Variants in MACROD2 observed in about 807,000 individuals in gnomAD.
MACROD2 encodes ADP-ribose glycohydrolase MACROD2.
In MACROD2, 36 loss-of-function variants were observed where a neutral mutation model predicts 70.4. The observed-to-expected ratio is 0.51, with a 90% confidence interval of 0.39 to 0.68. MACROD2 has a LOEUF of 0.68. MACROD2 is among the 30% of genes least tolerant of loss of function. The pLI, the probability that MACROD2 is intolerant of heterozygous loss-of-function variation, is 0.00. For missense variants in MACROD2, 496 were observed against 538.4 expected, an observed-to-expected ratio of 0.92 and a Z score of 0.78; for synonymous variants, 172 against 178.8, an observed-to-expected ratio of 0.96 and a Z score of 0.30.
At chr20:15,234,079 G>T (rs2076991056) in intron 6 of MACROD2, among the ~76,000 whole-genome samples, 1 of 108,586 alleles carries the variant, frequency 9.2e-6, no homozygotes, top group Admixed American at 1.1e-4. Flanking sequence ...TGGCCCAGGT[G>T]GGAGTGCAGT....
At chr20:15,531,128 A>G (rs2047794195) in intron 8 of MACROD2, among the ~76,000 whole-genome samples, 1 of 151,820 alleles carries the variant, frequency 6.6e-6, no homozygotes, top group South Asian at 2.1e-4. Context: ...AAGAGATGTT[A>G]AAATGAAATC....
chr20:15,320,080 T>C (rs2077857556), intron 6 of MACROD2, among the ~76,000 whole-genome samples: 1 of 152,246 alleles, frequency 6.6e-6, no homozygotes, highest in Non-Finnish European at 1.5e-5. Flanking sequence ...GACTCATGCC[T>C]GTAATCCCAG....
intron 3 of MACROD2, among the ~76,000 whole-genome samples, chr20:14,225,656 T>G (rs1250867521): frequency 6.6e-6 from 1 of 152,236 alleles, no homozygotes; most frequent in African/African-American, 2.4e-5. Flanking sequence ...AGAAACTTCT[T>G]GATTTCAGTA....
At chr20:15,239,329 G>A (rs532288439) in intron 6 of MACROD2, among the ~76,000 whole-genome samples, 1 of 151,948 alleles carries the variant, frequency 6.6e-6, no homozygotes, top group South Asian at 2.1e-4. Context: ...TGGAAAGAAA[G>A]CTTTCTTGAC....
chr20:15,237,620 A>G (rs2077025351), intron 6 of MACROD2, among the ~76,000 whole-genome samples: 2 of 152,082 alleles, frequency 1.3e-5, no homozygotes, highest in South Asian at 2.1e-4. Context: ...GACAGGGAAC[A>G]GCGCAGAGGA....
At chr20:14,447,318 G>A (rs1049807305) in intron 3 of MACROD2, among the ~76,000 whole-genome samples, 16 of 151,930 alleles carry the variant, frequency 1.1e-4, no homozygotes, top group Non-Finnish European at 1.8e-4. Flanking sequence ...GCGCCCAGCC[G>A]ATGCAGATTT....
At chr20:15,627,050 G>T (rs190048285) in intron 8 of MACROD2, among the ~76,000 whole-genome samples, 1 of 152,140 alleles carries the variant, frequency 6.6e-6, no homozygotes, top group South Asian at 2.1e-4. Flanking sequence ...GATAGACTGA[G>T]ATTTGAAATG....
At chr20:14,073,224 T>A (rs1237335621) in intron 2 of MACROD2, among the ~76,000 whole-genome samples, 1 of 151,822 alleles carries the variant, frequency 6.6e-6, no homozygotes, top group Non-Finnish European at 1.5e-5. Context: ...TAATCCCAGC[T>A]ACTTGGGAGG....
At chr20:15,249,718 C>T (rs920414949) in intron 6 of MACROD2, among the ~76,000 whole-genome samples, 4 of 152,180 alleles carry the variant, frequency 2.6e-5, no homozygotes, top group Non-Finnish European at 4.4e-5. Flanking sequence ...CTTGATGCTA[C>T]GTTATTTCCA....
chr20:14,688,237 C>T (rs976171608), intron 5 of MACROD2, among the ~76,000 whole-genome samples: 1 of 152,180 alleles, frequency 6.6e-6, no homozygotes, highest in African/African-American at 2.4e-5. Flanking sequence ...CATCCAGCCA[C>T]AAGTGATAAT....
chr20:14,513,483 G>A (rs138363796), intron 4 of MACROD2, among the ~76,000 whole-genome samples: 142 of 152,032 alleles, frequency 9.3e-4, no homozygotes, highest in Middle Eastern at 3.4e-3. Flanking sequence ...GTTAGCCAAG[G>A]GAAATATAAT....
At chr20:15,273,198 C>A (rs577650216) in intron 6 of MACROD2, among the ~76,000 whole-genome samples, 1 of 152,104 alleles carries the variant, frequency 6.6e-6, no homozygotes, top group Admixed American at 6.5e-5. Context: ...ATCTAATCAG[C>A]TGCCAACGAA....
intron 2 of MACROD2, among the ~76,000 whole-genome samples, chr20:14,006,245 A>G (rs1476595522): frequency 1.3e-5 from 2 of 152,124 alleles, no homozygotes; most frequent in Non-Finnish European, 2.9e-5. Flanking sequence ...CAATGAAATC[A>G]CCTAACAACG....
chr20:14,036,430 A>G (rs2053311154), intron 2 of MACROD2, among the ~76,000 whole-genome samples: 1 of 152,202 alleles, frequency 6.6e-6, no homozygotes, highest in Non-Finnish European at 1.5e-5. Context: ...CTGCACTGTT[A>G]ACAAGCACCT....
intron 8 of MACROD2, among the ~76,000 whole-genome samples, chr20:15,576,095 T>C (rs2048443707): frequency 6.6e-6 from 1 of 152,092 alleles, no homozygotes; most frequent in African/African-American, 2.4e-5. Context: ...ACCTTTCAAT[T>C]GTTTCCTATT....
At chr20:15,473,479 T>A (rs1011183061) in intron 7 of MACROD2, among the ~76,000 whole-genome samples, 12 of 152,112 alleles carry the variant, frequency 7.9e-5, no homozygotes, top group Non-Finnish European at 1.3e-4. Context: ...TCTGACCCAT[T>A]TATCATCTAT....
chr20:14,140,035 C>T (rs6042546), intron 3 of MACROD2, among the ~76,000 whole-genome samples: 151,391 of 152,358 alleles, frequency 0.99, 75,224 homozygotes, highest in East Asian at 1. Context: ...TATGCAAATA[C>T]GCCAAAAATC....
chr20:16,020,954 T>C (rs2066993368), intron 15 of MACROD2, among the ~76,000 whole-genome samples: 1 of 152,196 alleles, frequency 6.6e-6, no homozygotes, highest in Non-Finnish European at 1.5e-5. Flanking sequence ...TCAAATTACA[T>C]TGTTTAGAAA....
intron 8 of MACROD2, among the ~76,000 whole-genome samples, chr20:15,644,890 A>G (rs1470652207): frequency 6.6e-6 from 1 of 152,030 alleles, no homozygotes; most frequent in Non-Finnish European, 1.5e-5. Context: ...GAGTTTCACC[A>G]TGTTGGTGAG....
Sources: gnomAD v4.1 joint callset for allele counts (sites outside exome capture counted in the v4.1 genomes callset) on GRCh38, gnomAD v4.1.1 for gene constraint, MANE v1.5 for transcripts, NCBI Gene and HGNC (gene_info 2026-07-23, HGNC 2026-07-21) for gene names.